Variants in ZGRF1 observed in about 807,000 individuals in gnomAD.
ZGRF1 encodes 5'-3' DNA helicase ZGRF1.
A neutral mutation model predicts 203.5 loss-of-function variants in ZGRF1; 196 were observed. The observed-to-expected ratio is 0.96, with a 90% CI of 0.86 to 1.08. ZGRF1 has a LOEUF of 1.08. Ranked by LOEUF, ZGRF1 falls within the 50% of genes least tolerant of loss-of-function variation. The pLI is 0.00. For synonymous variants in ZGRF1, 809 were observed against 841.3 expected, an observed-to-expected ratio of 0.96 and a Z score of 0.66; for missense variants, 2,326 against 2,416.3, an observed-to-expected ratio of 0.96 and a Z score of 0.78.
chr4:112,559,797 A>C (rs891664662), intron 19 of ZGRF1, among the ~76,000 whole-genome samples: 1 of 152,230 alleles, frequency 6.6e-6, no homozygotes, highest in African/African-American at 2.4e-5. Flanking sequence ...TGATACAGTC[A>C]GAACGTAAAT....
In ZGRF1 at chr4:112,619,026, T is replaced by C. The variant is rs1465293025; in HGVS notation, c.1016A>G (p.His339Arg). The C allele has an allele frequency of 1.9e-6, 3 of 1,614,020 alleles. No individual in the cohort carries two copies. Among genetic ancestry groups the C allele is most frequent in the Non-Finnish European group, 2.5e-6 (3 of 1,179,924 alleles). Residue 339 changes from histidine (H) to arginine (R), a missense_variant, in exon 6 of 28, where the codon CAT becomes CGT. By Grantham distance (29) the His-to-Arg change is conservative (BLOSUM62 0). Coordinates refer to ENST00000505019, the MANE Select transcript of ZGRF1 (RefSeq NM_018392.5). ...ATCATTCCCATCTACAGTAGAAGAA[T>C]GTATAGGTGAACTCTGTGAGGATAA... is the stretch of plus-strand genomic sequence containing the variant. ...MYLSSQSSPI[H>R]SSTVDGNDTE...
intron 24 of ZGRF1, chr4:112,546,936 AG>A (rs908845358): frequency 5.1e-5 from 8 of 157,792 alleles, no homozygotes; most frequent in Non-Finnish European, 9.7e-5. Context: ...AGACTAAGAC[AG>A]TAAATTCAAC....
At chr4:112,551,086 T>C (rs79818746) in intron 22 of ZGRF1, among the ~76,000 whole-genome samples, 5,044 of 152,158 alleles carry the variant, frequency 0.033, 276 homozygotes, top group African/African-American at 0.11. Context: ...CTTCCCTCCC[T>C]CCCTATACAG....
chr4:112,608,891 A>G (rs947439998), intron 8 of ZGRF1, among the ~76,000 whole-genome samples: 2 of 152,194 alleles, frequency 1.3e-5, no homozygotes, highest in African/African-American at 4.8e-5. Context: ...ACTTCATGGT[A>G]AAGAATTTGT....
At chr4:112,608,281 G>C (rs531257774) in intron 8 of ZGRF1, among the ~76,000 whole-genome samples, 1 of 152,254 alleles carries the variant, frequency 6.6e-6, no homozygotes, top group East Asian at 1.9e-4. Context: ...AATAATGATA[G>C]TGTTTATCTG....
At chr4:112,562,288 T>C in intron 18 of ZGRF1, 83 bp downstream of exon 18, 1 of 747,802 alleles carries the variant, frequency 1.3e-6, no homozygotes, top group Non-Finnish European at 2.4e-6. Context: ...AACATTTATA[T>C]ACTGTACTTT....
chr4:112,604,084 C>T (rs1421961139), intron 9 of ZGRF1, among the ~76,000 whole-genome samples: 1 of 151,918 alleles, frequency 6.6e-6, no homozygotes, highest in African/African-American at 2.4e-5. Context: ...ATTAGCCAGG[C>T]GTGGTGGTGC....
intron 21 of ZGRF1, 65 bp downstream of exon 21, chr4:112,554,640 A>C: frequency 1.3e-6 from 1 of 759,478 alleles, no homozygotes; most frequent in Non-Finnish European, 2.3e-6. Flanking sequence ...TTAAGGTAAG[A>C]GTGATATAAA....
intron 16 of ZGRF1, among the ~76,000 whole-genome samples, chr4:112,575,158 C>T (rs905786934): frequency 3.9e-5 from 6 of 151,944 alleles, no homozygotes; most frequent in South Asian, 2.1e-4. Flanking sequence ...CTTATTATTA[C>T]GTATTTTCAG....
chr4:112,565,488 T>C (rs1257820462), intron 16 of ZGRF1: 1 of 652,240 alleles, frequency 1.5e-6, no homozygotes, highest in Admixed American at 2.9e-5. Context: ...GAACGTTAGG[T>C]ATTTTTTTTC....
chr4:112,633,375 A>G, intron 1 of ZGRF1, 133 bp from the exon 2 acceptor site: 1 of 572,092 alleles, frequency 1.7e-6, no homozygotes, highest in Non-Finnish European at 3.1e-6. Flanking sequence ...AGGGAAACAG[A>G]GGTGTAATTA....
In ZGRF1 at chr4:112,581,856, T is replaced by C. The variant is rs1746322600; in HGVS notation, c.4299-54A>G. On this transcript the variant is annotated intron_variant, in intron 15 of 27. Transcript: ENST00000505019. ...ATTGTAATATTAAGATGCAAGTTTTTTGAAAATCTTTAAAATACAGTATGA... is the reference window on the plus strand; with the variant it reads ...ATTGTAATATTAAGATGCAAGTTTTCTGAAAATCTTTAAAATACAGTATGA... 3.2e-6 allele frequency: 3 copies of C among 940,446 alleles called. No individual in the cohort carries two copies. In the African/African-American group the frequency reaches 5.2e-5, roughly 16 times the overall value. 58.3% of individuals were successfully genotyped at this position (940,446 alleles called of 1,614,324 possible). A position where few individuals can be genotyped will look rare whatever the true frequency, so the allele number is the denominator to read the frequency against.
chr4:112,583,690 G>C (rs1746663479), intron 15 of ZGRF1, among the ~76,000 whole-genome samples: 1 of 152,000 alleles, frequency 6.6e-6, no homozygotes, highest in South Asian at 2.1e-4. Context: ...TGAAGTCCTA[G>C]CTACTCAGGA....
chr4:112,611,390 G>A (rs972288058), intron 7 of ZGRF1, among the ~76,000 whole-genome samples: 1 of 151,944 alleles, frequency 6.6e-6, no homozygotes, highest in Non-Finnish European at 1.5e-5. Flanking sequence ...GCGAAAGAGA[G>A]AGACTCCATC....
intron 16 of ZGRF1, among the ~76,000 whole-genome samples, chr4:112,572,996 A>G (rs1458962749): frequency 1.3e-5 from 2 of 152,210 alleles, no homozygotes; most frequent in Non-Finnish European, 2.9e-5. Flanking sequence ...GATTCCTTAA[A>G]GAACTAAAAG....
At chr4:112,570,852 T>C (rs933969884) in intron 16 of ZGRF1, among the ~76,000 whole-genome samples, 15 of 151,932 alleles carry the variant, frequency 9.9e-5, no homozygotes, top group Non-Finnish European at 1.9e-4. Flanking sequence ...ATCTGTAAAC[T>C]CAACACTTTG....
At chr4:112,635,233 G>A (rs1463443121) in intron 1 of ZGRF1, among the ~76,000 whole-genome samples, 1 of 151,876 alleles carries the variant, frequency 6.6e-6, no homozygotes. Context: ...ATAAAAGAGA[G>A]ATCGAGAAAA....
chr4:112,584,332 T>G (rs1746796035), intron 14 of ZGRF1, among the ~76,000 whole-genome samples, 158 bp from the exon 15 acceptor site: 1 of 152,198 alleles, frequency 6.6e-6, no homozygotes, highest in African/African-American at 2.4e-5. Context: ...AATTTAAAAT[T>G]TAAAACCACC....
rs1481010799 is a variant in ZGRF1 at position 112,540,969 on chromosome 4, T to C, written c.5776-14A>G. Reference sequence around the variant, plus strand: ...ATCTCTTTCTATCTGGAGTAAGAAATAGATCCTAAATTATATTTCCCAGAA... The same window carrying C: ...ATCTCTTTCTATCTGGAGTAAGAAACAGATCCTAAATTATATTTCCCAGAA... On this transcript the variant is annotated splice_polypyrimidine_tract_variant and intron_variant, in intron 25 of 27. Coordinates refer to ENST00000505019, the MANE Select transcript of ZGRF1 (RefSeq NM_018392.5). 3.2e-6 allele frequency: 5 copies of C among 1,560,490 alleles called. No individual in the cohort carries two copies. In the Admixed American group the frequency reaches 5.8e-5, roughly 18 times the overall value.
Sources: allele counts gnomAD v4.1 joint callset (sites outside exome capture counted in the v4.1 genomes callset), GRCh38; gene constraint gnomAD v4.1.1; transcripts MANE v1.5; gene names NCBI Gene and HGNC (gene_info 2026-07-23, HGNC 2026-07-21).